Variants in CNGA3 observed in about 807,000 individuals in gnomAD.
CNGA3 encodes cyclic nucleotide gated channel subunit alpha 3.
A neutral mutation model predicts 46.6 loss-of-function variants in CNGA3; 42 were observed. The ratio of observed to expected loss-of-function variants is 0.90; its 90% CI spans 0.70 to 1.17. The LOEUF (loss-of-function observed/expected upper bound fraction) is 1.17. Ranked by LOEUF, CNGA3 falls within the 50% of genes most tolerant of loss-of-function variation. CNGA3 has a pLI of 0.00. For missense variants in CNGA3, 893 were observed against 890.7 expected, an observed-to-expected ratio of 1.00 and a Z score of -0.03; for synonymous variants, 394 against 369.4, an observed-to-expected ratio of 1.07 and a Z score of -0.76.
chr2:98,369,917 C>T, intron 1 of CNGA3, 22 bp from the exon 2 acceptor site: 4 of 1,457,720 alleles, frequency 2.7e-6, no homozygotes, highest in Non-Finnish European at 3.8e-6. Flanking sequence ...GATGACGTGT[C>T]TGCTTTGTGT....
chr2:98,389,045 C>T (rs528800426), intron 5 of CNGA3, among the ~76,000 whole-genome samples: 3 of 152,330 alleles, frequency 2.0e-5, no homozygotes, highest in South Asian at 4.1e-4. Context: ...TATTTCATTC[C>T]GTGCGGGCCC....
At chr2:98,351,971 C>T (rs1691778470) in intron 1 of CNGA3, among the ~76,000 whole-genome samples, 1 of 152,188 alleles carries the variant, frequency 6.6e-6, no homozygotes, top group South Asian at 2.1e-4. Flanking sequence ...CTTTTCAACA[C>T]TGTCAAAAGG....
chr2:98,358,911 C>T (rs149462682), intron 1 of CNGA3, among the ~76,000 whole-genome samples: 491 of 152,294 alleles, frequency 3.2e-3, no homozygotes, highest in African/African-American at 0.011. Flanking sequence ...GTCAAGAGTA[C>T]AAATGACCCA....
chr2:98,375,226 T>A (rs1692378764), intron 2 of CNGA3, among the ~76,000 whole-genome samples: 1 of 152,246 alleles, frequency 6.6e-6, no homozygotes, highest in African/African-American at 2.4e-5. Context: ...TGCAAATAAA[T>A]CTGGTCTCAG....
chr2:98,383,912 A>T (rs3769748), intron 5 of CNGA3, among the ~76,000 whole-genome samples: 126,919 of 152,052 alleles, frequency 0.83, 53,380 homozygotes, highest in Admixed American at 0.93. Context: ...TTTGAGATGG[A>T]GTCTTGCTCT....
intron 1 of CNGA3, among the ~76,000 whole-genome samples, chr2:98,366,246 A>G (rs1418419961): frequency 2.8e-5 from 4 of 145,178 alleles, no homozygotes; most frequent in Non-Finnish European, 6.3e-5. Flanking sequence ...AGGCTGCAGA[A>G]CAGCAAAGAT....
intron 1 of CNGA3, among the ~76,000 whole-genome samples, chr2:98,367,169 T>TTATTTTCTTTTC (rs1553447812): frequency 8.8e-6 from 1 of 113,458 alleles, no homozygotes; most frequent in African/African-American, 3.0e-5. Context: ...CATCAGCTGT[T>TTATTTTCTTTTC]TTTTTTCTTT....
chr2:98,392,958 A>C (rs1009595012), intron 7 of CNGA3, among the ~76,000 whole-genome samples: 1 of 152,130 alleles, frequency 6.6e-6, no homozygotes, highest in African/African-American at 2.4e-5. Context: ...CCCTGTTTCC[A>C]AGATTTTTGA....
At chr2:98,373,238 G>C (rs1317197469) in intron 2 of CNGA3, among the ~76,000 whole-genome samples, 1 of 152,130 alleles carries the variant, frequency 6.6e-6, no homozygotes, top group East Asian at 1.9e-4. Context: ...AAAGGACTCA[G>C]GCACATACCA....
Position 98,397,329 on chromosome 2 carries a change from T to C in CNGA3, c.*74T>C, listed in dbSNP as rs562847069. ...CGTATGTGGCCGCAGCTGTGTGGCA[T>C]GGAACTTGGTCAGGGTTGAATTCCA... On this transcript the variant is annotated 3_prime_UTR_variant, in exon 8 of 8. Coordinates refer to ENST00000272602, the MANE Select transcript of CNGA3 (RefSeq NM_001298.3). 1 of 1,467,332 alleles carries C rather than the reference T, an allele frequency of 6.8e-7. No homozygotes were observed. Among genetic ancestry groups the C allele is most frequent in the Non-Finnish European group, 9.4e-7 (1 of 1,059,984 alleles). The allele number at this position is 1,467,332 out of a possible 1,614,324, so 90.9% of individuals were successfully genotyped here.
intron 1 of CNGA3, among the ~76,000 whole-genome samples, chr2:98,354,279 T>C (rs1353522158): frequency 6.6e-6 from 1 of 152,272 alleles, no homozygotes; most frequent in Non-Finnish European, 1.5e-5. Flanking sequence ...AATCTGCAGA[T>C]GCAGAACCTG....
At chr2:98,390,841 G>A (rs1026989282) in intron 6 of CNGA3, among the ~76,000 whole-genome samples, 4 of 152,202 alleles carry the variant, frequency 2.6e-5, no homozygotes, top group Non-Finnish European at 5.9e-5. Context: ...GGAGGGCTTA[G>A]GGGACTTCCC....
chr2:98,396,860 A>G lies in CNGA3; in HGVS notation c.1690A>G (p.Arg564Gly). Residue 564 changes from arginine (R) to glycine (G), a missense_variant, in exon 8 of 8, where the codon AGG becomes GGG. This residue lies in a region of CNGA3 where 548 missense variants were observed against 570.8 expected (regional missense o/e 0.96). Transcript: ENST00000272602. ...CAAGGGGAGCAAGTCGGGGAACCGCAGGACGGCCAACATCCGCAGCATTGG... is the reference window on the plus strand; with the variant it reads ...CAAGGGGAGCAAGTCGGGGAACCGCGGGACGGCCAACATCCGCAGCATTGG... ...NIKGSKSGNR[R>G]TANIRSIGYS... The G allele has an allele frequency of 6.2e-7, 1 of 1,614,202 alleles. No individual in the cohort carries two copies. Among genetic ancestry groups the G allele is most frequent in the Non-Finnish European group, 8.5e-7 (1 of 1,180,038 alleles).
chr2:98,395,279 C>T (rs973775175), intron 7 of CNGA3, among the ~76,000 whole-genome samples: 14 of 152,096 alleles, frequency 9.2e-5, no homozygotes, highest in African/African-American at 2.9e-4. Flanking sequence ...AAGTGGTTCT[C>T]GTGCCTCAGC....
chr2:98,358,852 T>C (rs1384959075), intron 1 of CNGA3, among the ~76,000 whole-genome samples: 1 of 152,198 alleles, frequency 6.6e-6, no homozygotes. Flanking sequence ...ATAAAGAACA[T>C]AGAATTAAAA....
chr2:98,351,037 A>G (rs1242288877), intron 1 of CNGA3: 1 of 152,150 alleles, frequency 6.6e-6, no homozygotes, highest in East Asian at 1.9e-4. Context: ...TCACAGCTCA[A>G]CCCTGAGCAC....
In CNGA3 at chr2:98,396,042, C is replaced by G. The variant is rs104893616; in HGVS notation, c.872C>G (p.Thr291Arg). The G allele has an allele frequency of 1.2e-6, 2 of 1,614,210 alleles. No individual in the cohort carries two copies. The highest frequency in any genetic ancestry group is 1.7e-6 in the Non-Finnish European group (2 of 1,180,026). The stretch of plus-strand genomic sequence containing the variant: ...CGGCTCTTTGAATTCTTTGACCGCA[C>G]AGAGACAAGGACCAACTACCCCAAT... ...FSRLFEFFDR[T>R]ETRTNYPNMF... Residue 291 changes from threonine (T) to arginine (R), a missense_variant, in exon 8 of 8, where the codon ACA (threonine) becomes AGA (arginine). By Grantham distance (71) the Thr-to-Arg change is moderately conservative. Coordinates refer to ENST00000272602, the MANE Select transcript of CNGA3 (RefSeq NM_001298.3).
chr2:98,347,844 AC>A (rs959615766), intron 1 of CNGA3, among the ~76,000 whole-genome samples: 3 of 151,812 alleles, frequency 2.0e-5, no homozygotes, highest in African/African-American at 7.3e-5. Context: ...ACTGTCCGCC[AC>A]CCCCTCCCCC....
At chr2:98,358,908 G>A (rs1444778411) in intron 1 of CNGA3, among the ~76,000 whole-genome samples, 1 of 152,234 alleles carries the variant, frequency 6.6e-6, no homozygotes, top group South Asian at 2.1e-4. Flanking sequence ...TGGGTCAAGA[G>A]TACAAATGAC....
Sources: gnomAD v4.1 joint callset for allele counts (sites outside exome capture counted in the v4.1 genomes callset) on GRCh38, gnomAD v4.1.1 for gene constraint, gnomAD v4.1.1 regional missense constraint, MANE v1.5 for transcripts, NCBI Gene and HGNC (gene_info 2026-07-23, HGNC 2026-07-21) for gene names.